PRDM8: variants seen among roughly 807,000 people sequenced by gnomAD.
PRDM8 encodes PR/SET domain 8, also known as PR domain zinc finger protein 8.
A neutral mutation model predicts 46.5 loss-of-function variants in PRDM8; 13 were observed. The observed-to-expected ratio is 0.28, with a 90% CI of 0.18 to 0.44. The LOEUF (loss-of-function observed/expected upper bound fraction) is 0.44. Ranked by LOEUF, PRDM8 falls within the 20% of genes least tolerant of loss-of-function variation. PRDM8 has a pLI of 1.00. For synonymous variants in PRDM8, 473 were observed against 438.4 expected (o/e 1.08, Z -0.98); for missense variants, 998 against 955.0 (o/e 1.04, Z -0.59).
intron 2 of PRDM8, among the ~76,000 whole-genome samples, chr4:80,192,215 C>A (rs1000955374): frequency 6.6e-6 from 1 of 152,146 alleles, no homozygotes; most frequent in Non-Finnish European, 1.5e-5. Context: ...CCTCAGAAAG[C>A]TAACTGGGAT....
intron 1 of PRDM8, among the ~76,000 whole-genome samples, 189 bp downstream of exon 1, chr4:80,197,952 G>A (rs1738091269): frequency 6.6e-6 from 1 of 152,252 alleles, no homozygotes; most frequent in Non-Finnish European, 1.5e-5. Flanking sequence ...CGGAGAAGCC[G>A]GAGACTGGGG....
At chr4:80,201,186 G>C in intron 2 of PRDM8, 104 bp from the exon 3 acceptor site, 1 of 1,142,262 alleles carries the variant, frequency 8.8e-7, no homozygotes, top group Non-Finnish European at 1.3e-6. Flanking sequence ...TTTTGGAAAA[G>C]ACTAACATAG....
chr4:80,197,869 A>G, intron 1 of PRDM8, 106 bp downstream of exon 1: 1 of 903,438 alleles, frequency 1.1e-6, no homozygotes, highest in Non-Finnish European at 1.3e-6. Flanking sequence ...AAGAGAGAGA[A>G]AAATAATTCT....
At chr4:80,197,318 G>A, upstream of PRDM8, 1 of 966,416 alleles carries the variant, frequency 1.0e-6, no homozygotes, top group Non-Finnish European at 1.2e-6. Flanking sequence ...GAGAGGCGTT[G>A]CCACCCGGGG....
chr4:80,193,676 C>T (rs1737718884), upstream of PRDM8, among the ~76,000 whole-genome samples: 1 of 152,134 alleles, frequency 6.6e-6, no homozygotes, highest in Non-Finnish European at 1.5e-5. Flanking sequence ...TATTCTCTTC[C>T]TCCCTCAACC....
chr4:80,203,693 C>T lies in PRDM8; in HGVS notation c.*161C>T. 1 of 1,277,820 alleles carries T rather than the reference C, an allele frequency of 7.8e-7. No homozygotes were observed. The highest frequency in any genetic ancestry group is 1.0e-6 in the Non-Finnish European group (1 of 970,820). The allele number at this position is 1,277,820 out of a possible 1,614,324, so 79.2% of individuals were successfully genotyped here. Reference sequence around the variant, plus strand: ...GCCCCCCCAACGCGCACACACACGTCCTCTCCTCCCAGGAACCTCATTCAA... The same window carrying T: ...GCCCCCCCAACGCGCACACACACGTTCTCTCCTCCCAGGAACCTCATTCAA... On this transcript the variant is annotated 3_prime_UTR_variant, in exon 4 of 4. Coordinates refer to ENST00000415738, the MANE Select transcript of PRDM8 (RefSeq NM_001099403.2).
At chr4:80,186,111 G>A (rs1737055977) in intron 1 of PRDM8, among the ~76,000 whole-genome samples, 1 of 152,164 alleles carries the variant, frequency 6.6e-6, no homozygotes, top group Admixed American at 6.5e-5. Flanking sequence ...GCACTAGGTG[G>A]AGAGACTCCT....
chr4:80,201,861 T>C (rs908594260), intron 3 of PRDM8, 53 bp from the exon 4 acceptor site: 27 of 816,258 alleles, frequency 3.3e-5, no homozygotes, highest in Non-Finnish European at 4.6e-5. Flanking sequence ...GTGGTGTGCG[T>C]GTGTGTGTGT....
chr4:80,201,773 C>G, intron 3 of PRDM8, 141 bp from the exon 4 acceptor site: 2 of 1,291,386 alleles, frequency 1.5e-6, no homozygotes. Flanking sequence ...TTCTCAGGCA[C>G]TCAGGCCCTG....
intron 1 of PRDM8, among the ~76,000 whole-genome samples, chr4:80,188,898 G>A (rs1195441364): frequency 6.6e-6 from 1 of 152,226 alleles, no homozygotes; most frequent in African/African-American, 2.4e-5. Flanking sequence ...GCGGGCGCTG[G>A]GACAAGGAGT....
intron 2 of PRDM8, among the ~76,000 whole-genome samples, chr4:80,192,201 C>T (rs933306385): frequency 6.6e-6 from 1 of 152,142 alleles, no homozygotes; most frequent in African/African-American, 2.4e-5. Flanking sequence ...TCTTACAGTC[C>T]ATACCTCAGA....
rs904515362 is a variant in PRDM8 at position 80,202,899 on chromosome 4, C to A, written c.1437C>A (p.Gly479=). ...AGSTSGGGGT[G]AGAAGGAGGG... is the part of the protein sequence containing the mutation. The stretch of plus-strand genomic sequence containing the variant: ...GCACCAGCGGTGGGGGCGGAACGGG[C>A]GCCGGGGCCGCAGGCGGCGCGGGCG... The change falls in exon 4 of 4, where the codon GGC becomes GGA. Residue 479 remains glycine, a synonymous_variant. Transcript: ENST00000415738. The A allele has an allele frequency of 3.0e-6, 4 of 1,329,062 alleles. No individual in the cohort carries two copies. Among genetic ancestry groups the A allele is most frequent in the South Asian group, 2.1e-5 (1 of 47,626 alleles). 82.3% of individuals were successfully genotyped at this position (1,329,062 alleles called of 1,614,324 possible). A position where few individuals can be genotyped will look rare whatever the true frequency, so the allele number is the denominator to read the frequency against.
At chr4:80,199,740 CAT>C (rs148169468) in intron 1 of PRDM8, among the ~76,000 whole-genome samples, 2 of 73,928 alleles carry the variant, frequency 2.7e-5, no homozygotes, top group African/African-American at 1.4e-4. Flanking sequence ...TGTGTGTGTA[CAT>C]ATATATATAA....
Position 80,202,941 on chromosome 4 carries a change from G to T in PRDM8, c.1479G>T (p.Ala493=). 1 of 1,463,060 alleles carries T rather than the reference G, an allele frequency of 6.8e-7. No individual in the cohort carries two copies. Among genetic ancestry groups the T allele is most frequent in the Non-Finnish European group, 9.0e-7 (1 of 1,114,322 alleles). 90.6% of individuals were successfully genotyped at this position (1,463,060 alleles called of 1,614,324 possible). The part of the protein sequence containing the change: ...AGGAGGGQGA[A]SDERKSAFSQ... ...GCGCGGGCGGGGGCCAGGGCGCCGC[G>T]TCGGACGAGCGCAAAAGCGCCTTCT... Residue 493 remains alanine, a synonymous_variant, in exon 4 of 4, where the codon GCG becomes GCT. Transcript: ENST00000415738.
intron 1 of PRDM8, chr4:80,189,776 C>G (rs1312302311): frequency 1.3e-5 from 2 of 152,250 alleles, no homozygotes; most frequent in East Asian, 3.8e-4. Context: ...GGATTCGAAG[C>G]CATGCAGTCC....
At chr4:80,196,231 G>C (rs867514798), upstream of PRDM8, 24 of 933,668 alleles carry the variant, frequency 2.6e-5, no homozygotes, top group Middle Eastern at 2.2e-3. Flanking sequence ...ACTTTAGCTA[G>C]CTACACAATC....
At chr4:80,186,450 A>AGAGAGAGAGAGAGAGAGAGG (rs1261628736) in intron 1 of PRDM8, among the ~76,000 whole-genome samples, 3 of 151,736 alleles carry the variant, frequency 2.0e-5, no homozygotes, top group South Asian at 4.2e-4. Flanking sequence ...AGAGAGAGAG[A>AGAGAGAGAGAGAGAGAGAGG]GAGAGATTGA....
Position 80,186,759 on chromosome 4 carries a change from C to A in PRDM8, c.-983+1241C>A, listed in dbSNP as rs1019388896. On this transcript the variant is annotated intron_variant, in intron 1 of 9. Coordinates refer to the PRDM8 transcript ENST00000339711. Reference sequence around the variant, plus strand: ...GATATTGCCCTTTAGATGCCTCTTCCGTGTTTTGTTTTACAATTGTTGTAT... The same window carrying A: ...GATATTGCCCTTTAGATGCCTCTTCAGTGTTTTGTTTTACAATTGTTGTAT... 5.3e-5 allele frequency among the ~76,000 whole-genome samples: 8 copies of A among 152,280 alleles called. No homozygotes were observed. In the East Asian group the frequency reaches 9.6e-4, roughly 18 times the overall value.
chr4:80,201,802 G>T (rs957111997), intron 3 of PRDM8, 112 bp from the exon 4 acceptor site: 11 of 1,476,996 alleles, frequency 7.4e-6, no homozygotes, highest in Non-Finnish European at 1.0e-5. Flanking sequence ...AGGTGGATTT[G>T]TCAAGGGGAT....
Sources: allele counts gnomAD v4.1 joint callset (sites outside exome capture counted in the v4.1 genomes callset), GRCh38; gene constraint gnomAD v4.1.1; transcripts MANE v1.5; gene names NCBI Gene and HGNC (gene_info 2026-07-23, HGNC 2026-07-21).